The following VWA3B variants were observed in gnomAD, a reference collection of about 807,000 sequenced individuals.
VWA3B encodes the protein von Willebrand factor A domain containing 3B.
A neutral mutation model predicts 158.3 loss-of-function variants in VWA3B; 138 were observed. That is an observed-to-expected ratio of 0.87 (90% CI 0.76 to 1.00). VWA3B has a LOEUF of 1.00. Ranked by LOEUF, VWA3B falls within the 50% of genes least tolerant of loss-of-function variation. The probability of loss-of-function intolerance (pLI) is 0.00; values close to 1 mark genes in which losing one functional copy is unlikely to be tolerated. For missense variants in VWA3B, 1,555 were observed against 1,565.1 expected, an observed-to-expected ratio of 0.99 and a Z score of 0.11; for synonymous variants, 596 against 587.3, an observed-to-expected ratio of 1.01 and a Z score of -0.21.
At chr2:98,177,279 T>C (rs1185634622) in intron 8 of VWA3B, among the ~76,000 whole-genome samples, 1 of 152,346 alleles carries the variant, frequency 6.6e-6, no homozygotes, top group Middle Eastern at 3.4e-3. Flanking sequence ...GGCATAGATG[T>C]GCTCCCTTCT....
chr2:98,178,468 A>C (rs766677204), intron 8 of VWA3B, among the ~76,000 whole-genome samples: 4 of 152,210 alleles, frequency 2.6e-5, no homozygotes, highest in African/African-American at 9.7e-5. Flanking sequence ...CTCTAACATG[A>C]TTTATGTCTT....
In VWA3B at chr2:98,311,984, C is replaced by A. The variant is rs777028562; in HGVS notation, c.3687C>A (p.His1229Gln). 1 of 1,604,154 alleles carries A rather than the reference C, an allele frequency of 6.2e-7. No homozygotes were observed. The highest frequency in any genetic ancestry group is 1.7e-5 in the Admixed American group (1 of 58,710). ...CCTCGGACTCGGACGGCTCCTCCCA[C>A]GGCATCAGCTCCCATGGGTCCTGCC... Reference protein sequence around the residue: ...AAPSDSDGSSHGISSHGSCQG... With the variant: ...AAPSDSDGSSQGISSHGSCQG... The change falls in exon 27 of 28, where the codon CAC becomes CAA. Residue 1229 changes from histidine (H) to glutamine (Q), a missense_variant. By Grantham distance (24) the His-to-Gln change is conservative. Coordinates refer to ENST00000477737, the MANE Select transcript of VWA3B (RefSeq NM_144992.5).
At chr2:98,134,336 G>C (rs892222900) in intron 7 of VWA3B, among the ~76,000 whole-genome samples, 1 of 152,182 alleles carries the variant, frequency 6.6e-6, no homozygotes, top group Non-Finnish European at 1.5e-5. Flanking sequence ...CAGGGCCTGC[G>C]GATGCAGCTT....
chr2:98,289,576 A>G (rs1249794737), intron 22 of VWA3B, among the ~76,000 whole-genome samples: 1 of 152,244 alleles, frequency 6.6e-6, no homozygotes, highest in Non-Finnish European at 1.5e-5. Flanking sequence ...AATTCAGCCC[A>G]TGGACTTCTT....
At chr2:98,322,949 G>C in the VWA3B span, among the ~76,000 whole-genome samples, 2 of 151,828 alleles carry the variant, frequency 1.3e-5, no homozygotes, top group African/African-American at 4.8e-5. Context: ...TACTAGAATT[G>C]AAAATAAAAA....
chr2:98,108,255 G>T (rs1460824568), intron 2 of VWA3B, among the ~76,000 whole-genome samples: 1 of 152,088 alleles, frequency 6.6e-6, no homozygotes, highest in Non-Finnish European at 1.5e-5. Flanking sequence ...CTTGTAAAAT[G>T]TTTAGGATGT....
At chr2:98,267,491 C>T (rs979817582) in intron 21 of VWA3B, among the ~76,000 whole-genome samples, 52 of 151,882 alleles carry the variant, frequency 3.4e-4, no homozygotes, top group Non-Finnish European at 5.6e-4. Flanking sequence ...TTGAAACCAA[C>T]GAGAACAAAG....
At chr2:98,202,927 G>GGT (rs1233070386) in intron 12 of VWA3B, among the ~76,000 whole-genome samples, 3 of 152,108 alleles carry the variant, frequency 2.0e-5, no homozygotes, top group Non-Finnish European at 4.4e-5. Context: ...CCACCTCCCA[G>GGT]GTTCAAGCGA....
chr2:98,188,765 C>A (rs954505550), intron 10 of VWA3B, among the ~76,000 whole-genome samples: 5 of 152,116 alleles, frequency 3.3e-5, no homozygotes, highest in African/African-American at 1.2e-4. Flanking sequence ...ATTGTTAAGT[C>A]AAGGTTGCCA....
chr2:98,094,824 G>T (rs1186917474), intron 2 of VWA3B, among the ~76,000 whole-genome samples: 5 of 152,046 alleles, frequency 3.3e-5, no homozygotes, highest in African/African-American at 2.4e-5. Context: ...GCCTAATTTT[G>T]TTATTCTGCC....
Position 98,279,733 on chromosome 2 carries a change from G to A in VWA3B, c.3045+8850G>A, listed in dbSNP as rs575778123. ...CTGGAGCCCTAGAGAGAAAGAGCAG[G>A]GAGTGGGCAGGACACCAATACCCCG... is the stretch of plus-strand genomic sequence containing the variant. On this transcript the variant is annotated intron_variant, in intron 22 of 27. Coordinates refer to ENST00000477737, the MANE Select transcript of VWA3B (RefSeq NM_144992.5). Among the ~76,000 whole-genome samples, 33 of 152,276 alleles carry A rather than the reference G, an allele frequency of 2.2e-4. 1 individual carries two copies. The South Asian group carries it at 5.8e-3, about 27-fold the overall frequency.
the VWA3B span, among the ~76,000 whole-genome samples, chr2:98,325,232 A>G: frequency 6.6e-6 from 1 of 151,518 alleles, no homozygotes; most frequent in Non-Finnish European, 1.5e-5. Context: ...CATAGTCACA[A>G]TGTTGAAAAC....
the VWA3B span, among the ~76,000 whole-genome samples, chr2:98,327,868 G>A: frequency 6.2e-4 from 95 of 152,244 alleles, no homozygotes; most frequent in African/African-American, 2.1e-3. Flanking sequence ...TGTGCTTCAC[G>A]TACCCCACGA....
At chr2:98,199,039 A>G (rs1317261401) in intron 12 of VWA3B, among the ~76,000 whole-genome samples, 1 of 151,340 alleles carries the variant, frequency 6.6e-6, no homozygotes, top group Non-Finnish European at 1.5e-5. Context: ...GTGAGCCGAG[A>G]TGGCGCCACT....
At chr2:98,128,624 C>T (rs1425564494) in intron 6 of VWA3B, among the ~76,000 whole-genome samples, 2 of 152,184 alleles carry the variant, frequency 1.3e-5, no homozygotes. Context: ...CCTCTTGGTG[C>T]CTTGCTGGTC....
chr2:98,246,580 C>T (rs750018193), intron 19 of VWA3B, among the ~76,000 whole-genome samples: 1 of 151,918 alleles, frequency 6.6e-6, no homozygotes, highest in Non-Finnish European at 1.5e-5. Context: ...CAGGGTTTCA[C>T]CATGTTGGCC....
intron 2 of VWA3B, among the ~76,000 whole-genome samples, chr2:98,106,413 A>G (rs1673663476): frequency 6.6e-6 from 1 of 152,164 alleles, no homozygotes; most frequent in Non-Finnish European, 1.5e-5. Context: ...GTCTACAAAA[A>G]TATTGCTATA....
At chr2:98,229,375 G>A (rs903460596) in intron 15 of VWA3B, among the ~76,000 whole-genome samples, 3 of 152,238 alleles carry the variant, frequency 2.0e-5, no homozygotes, top group Non-Finnish European at 4.4e-5. Context: ...GGTGCTCCAC[G>A]GAGGCGTCGA....
At chr2:98,094,709 T>C (rs1682592480) in intron 2 of VWA3B, among the ~76,000 whole-genome samples, 1 of 152,208 alleles carries the variant, frequency 6.6e-6, no homozygotes, top group African/African-American at 2.4e-5. Context: ...CAGATCGATG[T>C]CATAGATCTT....
Sources: allele counts gnomAD v4.1 joint callset (sites outside exome capture counted in the v4.1 genomes callset), GRCh38; gene constraint gnomAD v4.1.1; transcripts MANE v1.5; gene names NCBI Gene and HGNC (gene_info 2026-07-23, HGNC 2026-07-21).